The following GARRE1 variants were observed in gnomAD, a reference collection of about 807,000 sequenced individuals.
The protein encoded by GARRE1 is granule associated Rac and RHOG effector 1.
A neutral mutation model predicts 103.2 loss-of-function variants in GARRE1; 49 were observed. The observed-to-expected ratio is 0.47, with a 90% confidence interval of 0.38 to 0.60. The LOEUF is 0.60. Among genes scored for constraint, GARRE1 ranks in the 20% least tolerant of loss-of-function variants. The pLI is 0.00. For synonymous variants in GARRE1, 505 were observed against 532.8 expected (o/e 0.95, Z 0.72); for missense variants, 1,199 against 1,370.5 (o/e 0.87, Z 1.98).
In GARRE1 at chr19:34,341,441, A is replaced by G. The variant is rs767666461; in HGVS notation, c.1507A>G (p.Ile503Val). 1.2e-6 allele frequency: 2 copies of G among 1,613,584 alleles called. No individual in the cohort carries two copies. The highest frequency in any genetic ancestry group is 1.1e-5 in the South Asian group (1 of 91,060). The change falls in exon 10 of 14, where the codon ATA becomes GTA. Residue 503 changes from isoleucine to valine, a missense_variant. Ile to Val is a conservative substitution (Grantham distance 29). Coordinates refer to ENST00000299505, the MANE Select transcript of GARRE1 (RefSeq NM_014686.5). ...RAGREQALPC[I>V]QIQLQREICD... ...AAATAGGGAGCAAGCTTTACCCTGCATACAGATCCAGCTGCAAAGGGAGAT... is the reference window on the plus strand; with the variant it reads ...AAATAGGGAGCAAGCTTTACCCTGCGTACAGATCCAGCTGCAAAGGGAGAT...
chr19:34,314,795 C>T (rs2074052750), intron 2 of GARRE1, among the ~76,000 whole-genome samples: 1 of 152,148 alleles, frequency 6.6e-6, no homozygotes, highest in Admixed American at 6.6e-5. Flanking sequence ...CTGTTTCTTA[C>T]ATTTTTCTAC....
chr19:34,349,551 A>G (rs540870593), intron 12 of GARRE1, among the ~76,000 whole-genome samples: 2 of 152,320 alleles, frequency 1.3e-5, no homozygotes, highest in East Asian at 3.9e-4. Context: ...TGACCTCTGA[A>G]TGGCGTTTCA....
chr19:34,331,315 C>T lies in GARRE1; in HGVS notation c.1263+968C>T, dbSNP rs531117633. ...TTGCTCAAACATCCCATGCTTCTTC[C>T]TGTCCCAGGCCTGTGCTCTTGATAC... On this transcript the variant is annotated intron_variant, in intron 7 of 13. Coordinates refer to ENST00000299505, the MANE Select transcript of GARRE1 (RefSeq NM_014686.5). 3.9e-5 allele frequency among the ~76,000 whole-genome samples: 6 copies of T among 152,258 alleles called. No homozygotes were observed. The South Asian group carries it at 1.2e-3, about 32-fold the overall frequency.
intron 2 of GARRE1, among the ~76,000 whole-genome samples, chr19:34,317,258 G>T (rs1190150074): frequency 6.6e-6 from 1 of 152,250 alleles, no homozygotes; most frequent in African/African-American, 2.4e-5. Context: ...CCTGGCGAGA[G>T]CAGGGACTTG....
intron 9 of GARRE1, 90 bp downstream of exon 9, chr19:34,340,082 G>A (rs912912738): frequency 8.0e-6 from 11 of 1,381,296 alleles, no homozygotes; most frequent in African/African-American, 7.2e-5. Context: ...GATAGTATAC[G>A]GTATTGTAAA....
At chr19:34,288,598 A>T (rs1426646057) in intron 1 of GARRE1, among the ~76,000 whole-genome samples, 1 of 152,152 alleles carries the variant, frequency 6.6e-6, no homozygotes, top group Non-Finnish European at 1.5e-5. Flanking sequence ...CATATAGTGG[A>T]ATTGGTACCA....
intron 1 of GARRE1, among the ~76,000 whole-genome samples, chr19:34,257,544 A>G (rs182883732): frequency 1.7e-3 from 254 of 152,112 alleles, no homozygotes; most frequent in African/African-American, 5.6e-3. Context: ...CTTAGTGAAA[A>G]ATGATGATCT....
intron 2 of GARRE1, among the ~76,000 whole-genome samples, chr19:34,315,106 C>T (rs1416877491): frequency 3.3e-5 from 5 of 152,104 alleles, no homozygotes; most frequent in South Asian, 2.1e-4. Context: ...TTAAAGTGAT[C>T]GGAAATAAAT....
chr19:34,264,974 C>CT lies in GARRE1; in HGVS notation c.-796+10368dup, dbSNP rs796471751. 2.2e-4 allele frequency among the ~76,000 whole-genome samples: 33 copies of CT among 151,896 alleles called. 1 individual carries two copies. Among genetic ancestry groups the CT allele is most frequent in the African/African-American group, 6.0e-4 (25 of 41,410 alleles). ...CCTAGATAGAATATTGCTTTTCTTT[C>CT]TTTTTTTTAAGTCATTTTGATTATG... On this transcript the variant is annotated intron_variant, in intron 1 of 13. Transcript: ENST00000299505.
intron 1 of GARRE1, among the ~76,000 whole-genome samples, 164 bp downstream of exon 1, chr19:34,254,778 C>T (rs1330429029): frequency 3.4e-5 from 5 of 148,780 alleles, no homozygotes; most frequent in Admixed American, 6.7e-5. Flanking sequence ...GGGCTCCCGC[C>T]CCTTGCCCGC....
intron 2 of GARRE1, among the ~76,000 whole-genome samples, chr19:34,307,820 T>A (rs185894129): frequency 0.13 from 17,710 of 138,104 alleles, 1,775 homozygotes; most frequent in African/African-American, 0.21. Flanking sequence ...ATATATTTTT[T>A]TTTTTTTTTA....
chr19:34,318,774 G>A lies in GARRE1; in HGVS notation c.496-1133G>A, dbSNP rs552529524. 2.6e-5 allele frequency among the ~76,000 whole-genome samples: 4 copies of A among 152,284 alleles called. No homozygotes were observed. In the South Asian group the frequency reaches 8.3e-4, roughly 32 times the overall value. On this transcript the variant is annotated intron_variant, in intron 2 of 13. Transcript: ENST00000299505. ...AGAGGAAATAAGGCCGGGCATGGGA[G>A]CTCATGCCTGTAATCCCAGCCCTTT...
intron 2 of GARRE1, among the ~76,000 whole-genome samples, chr19:34,302,867 C>T (rs947632433): frequency 5.9e-5 from 9 of 151,776 alleles, no homozygotes; most frequent in African/African-American, 2.2e-4. Flanking sequence ...GCCTCAGCCT[C>T]CTGAGTAGCT....
intron 1 of GARRE1, among the ~76,000 whole-genome samples, chr19:34,292,448 TTTTG>T (rs1162374684): frequency 6.6e-6 from 1 of 152,238 alleles, no homozygotes; most frequent in Non-Finnish European, 1.5e-5. Flanking sequence ...GTGTGCAGGT[TTTTG>T]TTTGGACATA....
rs2074264940 is a variant in GARRE1, at chr19:34,355,113, A to C, written c.*2158A>C. On this transcript the variant is annotated 3_prime_UTR_variant, in exon 14 of 14. Coordinates refer to ENST00000299505, the MANE Select transcript of GARRE1 (RefSeq NM_014686.5). ...CGAGTTCCATTATACTGAAGTACTC[A>C]TGTTTTAATAGTGCCTCTCCAAAGG... 1 of 152,632 alleles carries C rather than the reference A, an allele frequency of 6.6e-6. No individual in the cohort carries two copies. The highest frequency in any genetic ancestry group is 1.9e-4 in the East Asian group (1 of 5,200). 9.5% of individuals were successfully genotyped at this position (152,632 alleles called of 1,614,324 possible). A position where few individuals can be genotyped will look rare whatever the true frequency, so the allele number is the denominator to read the frequency against.
At chr19:34,317,651 C>T (rs1367139626) in intron 2 of GARRE1, among the ~76,000 whole-genome samples, 1 of 152,214 alleles carries the variant, frequency 6.6e-6, no homozygotes, top group Non-Finnish European at 1.5e-5. Flanking sequence ...AGGTGAAGGG[C>T]ATGGACACTT....
intron 1 of GARRE1, among the ~76,000 whole-genome samples, chr19:34,289,588 G>A (rs2073905798): frequency 6.6e-6 from 1 of 151,916 alleles, no homozygotes; most frequent in African/African-American, 2.4e-5. Flanking sequence ...GCTGGGTGTG[G>A]TGGCGCGTGT....
chr19:34,258,651 A>G (rs550773305), intron 1 of GARRE1, among the ~76,000 whole-genome samples: 1 of 152,184 alleles, frequency 6.6e-6, no homozygotes, highest in Admixed American at 6.6e-5. Context: ...TTAGCCGGAC[A>G]TGGCGATGGG....
rs2074254677 is a variant in GARRE1, at chr19:34,353,834, A to T, written c.*879A>T. On this transcript the variant is annotated 3_prime_UTR_variant, in exon 14 of 14. Coordinates refer to ENST00000299505, the MANE Select transcript of GARRE1 (RefSeq NM_014686.5). ...GTGTGGTCAAGGGGCACTCAGAGAC[A>T]CCTGCACTAGAAATTGCATTGACAT... 6.6e-6 allele frequency: 1 copy of T among 152,450 alleles called. No individual in the cohort carries two copies. The highest frequency in any genetic ancestry group is 1.5e-5 in the Non-Finnish European group (1 of 68,040). 9.4% of individuals were successfully genotyped at this position (152,450 alleles called of 1,614,324 possible). A position where few individuals can be genotyped will look rare whatever the true frequency, so the allele number is the denominator to read the frequency against.
Sources: gnomAD v4.1 joint callset for allele counts (sites outside exome capture counted in the v4.1 genomes callset) on GRCh38, gnomAD v4.1.1 for gene constraint, MANE v1.5 for transcripts, NCBI Gene and HGNC (gene_info 2026-07-23, HGNC 2026-07-21) for gene names.